Variants in OXCT1 observed in about 807,000 individuals in gnomAD.
The protein encoded by OXCT1 is 3-oxoacid CoA-transferase 1.
Under a neutral mutation model 69.6 loss-of-function variants are expected in OXCT1, and 27 were observed. The ratio of observed to expected loss-of-function variants is 0.39; its 90% CI spans 0.29 to 0.54. The LOEUF (loss-of-function observed/expected upper bound fraction) is 0.54, where lower values mean the gene tolerates loss of function less well. OXCT1 is among the 20% of genes least tolerant of loss of function. The pLI, the probability that OXCT1 is intolerant of heterozygous loss-of-function variation, is 0.72. For missense variants in OXCT1, 437 were observed against 650.2 expected (o/e 0.67, Z 3.57); for synonymous variants, 202 against 217.8 (o/e 0.93, Z 0.64).
chr5:41,858,221 TGA>T (rs756846969), intron 3 of OXCT1, among the ~76,000 whole-genome samples: 4 of 152,196 alleles, frequency 2.6e-5, no homozygotes, highest in Non-Finnish European at 5.9e-5. Context: ...CAGCTTACAA[TGA>T]GAGTGTTTCT....
rs115612833 is a variant in OXCT1 at position 41,771,963 on chromosome 5, C to A, written c.1249-9763G>T. On this transcript the variant is annotated intron_variant, in intron 13 of 16. Transcript: ENST00000196371. ...TCTAATGGTGAGGTTTAAATGGTCA[C>A]AATTACTATCACATAATTTTTTAAA... Among the ~76,000 whole-genome samples the A allele has an allele frequency of 8.4e-3, 1,273 of 152,216 alleles. 21 individuals are homozygous for A. Among genetic ancestry groups the A allele is most frequent in the African/African-American group, 0.029 (1,220 of 41,516 alleles).
In OXCT1 at chr5:41,870,131, G is replaced by T; in HGVS notation, c.78+150C>A. 1 of 724,550 alleles carries T rather than the reference G, an allele frequency of 1.4e-6. No homozygotes were observed. The highest frequency in any genetic ancestry group is 2.0e-5 in the Admixed American group (1 of 49,300). 44.9% of individuals were successfully genotyped at this position (724,550 alleles called of 1,614,324 possible). On this transcript the variant is annotated intron_variant, in intron 1 of 16. Coordinates refer to ENST00000196371, the MANE Select transcript of OXCT1 (RefSeq NM_000436.4). This position sits in a 1 kb window ranked among gnomAD's most constrained non-coding sequence, Gnocchi z 4.2. ...GGGCCGGCGAGGCCAGGAACGCGTC[G>T]CCGCGTGTCCGTGACCAGGGCACCG...
intron 3 of OXCT1, among the ~76,000 whole-genome samples, chr5:41,859,949 T>C (rs1306093680): frequency 1.4e-5 from 2 of 147,776 alleles, no homozygotes; most frequent in African/African-American, 2.5e-5. Context: ...TAGGTACATA[T>C]GTATAATCAG....
At chr5:41,823,062 T>C (rs1747638291) in intron 7 of OXCT1, among the ~76,000 whole-genome samples, 1 of 152,198 alleles carries the variant, frequency 6.6e-6, no homozygotes, top group South Asian at 2.1e-4. Flanking sequence ...CAATTCTTTT[T>C]CTGCTTTTTT....
intron 7 of OXCT1, among the ~76,000 whole-genome samples, chr5:41,812,068 T>C (rs760858886): frequency 7.9e-5 from 12 of 152,078 alleles, no homozygotes; most frequent in Admixed American, 1.3e-4. Context: ...AACTCTGTAT[T>C]GCCTTCTGGT....
At chr5:41,843,636 C>T (rs1304937174) in intron 5 of OXCT1, 1 of 455,766 alleles carries the variant, frequency 2.2e-6, no homozygotes, top group Non-Finnish European at 4.4e-6. Flanking sequence ...TCCATTGCCA[C>T]ACTCCATCAC....
chr5:41,863,829 A>G (rs1290203133), intron 1 of OXCT1, among the ~76,000 whole-genome samples: 2 of 152,234 alleles, frequency 1.3e-5, no homozygotes, highest in Non-Finnish European at 2.9e-5. Flanking sequence ...TTAAGTATTA[A>G]GACATGAGCA....
At chr5:41,852,412 C>G (rs1749220545) in intron 4 of OXCT1, among the ~76,000 whole-genome samples, 1 of 152,140 alleles carries the variant, frequency 6.6e-6, no homozygotes, top group African/African-American at 2.4e-5. Context: ...TTATTACCAA[C>G]TTGGCAAAGT....
At chr5:41,835,263 G>T (rs893707679) in intron 7 of OXCT1, among the ~76,000 whole-genome samples, 7 of 152,236 alleles carry the variant, frequency 4.6e-5, no homozygotes, top group Admixed American at 1.3e-4. Context: ...AACCTATCAA[G>T]ATTGAACCAG....
At chr5:41,815,020 C>T (rs533055453) in intron 7 of OXCT1, among the ~76,000 whole-genome samples, 11 of 152,060 alleles carry the variant, frequency 7.2e-5, no homozygotes, top group South Asian at 2.1e-4. Context: ...CATTGTAAAA[C>T]GCAGGATGTG....
intron 15 of OXCT1, among the ~76,000 whole-genome samples, chr5:41,744,183 G>C (rs11738517): frequency 0.21 from 32,578 of 151,628 alleles, 3,633 homozygotes; most frequent in Middle Eastern, 0.28. Context: ...AGGTCCTTCA[G>C]GTCCCTTGTA....
At chr5:41,817,187 T>C (rs1042669746) in intron 7 of OXCT1, among the ~76,000 whole-genome samples, 1 of 152,096 alleles carries the variant, frequency 6.6e-6, no homozygotes, top group Non-Finnish European at 1.5e-5. Flanking sequence ...GACATTTTAG[T>C]CCATATGATT....
chr5:41,838,771 A>G (rs549062099), intron 7 of OXCT1, among the ~76,000 whole-genome samples: 43 of 152,224 alleles, frequency 2.8e-4, no homozygotes, highest in Non-Finnish European at 5.1e-4. Flanking sequence ...ACTTAGGCAC[A>G]TGCCACCACG....
rs185165533 is a variant in OXCT1 at position 41,731,817 on chromosome 5, A to G, written c.1522-47T>C. On this transcript the variant is annotated intron_variant, in intron 16 of 16. Coordinates refer to ENST00000196371, the MANE Select transcript of OXCT1 (RefSeq NM_000436.4). ...ATCAAATTATGAAAAACTGCATGAT[A>G]TAAATCTCTCTCCTTTTAATTTCCA... 7 of 1,575,136 alleles carry G rather than the reference A, an allele frequency of 4.4e-6. No homozygotes were observed. In the East Asian group the frequency reaches 1.1e-4, roughly 26 times the overall value.
chr5:41,830,229 C>A (rs993267975), intron 7 of OXCT1, among the ~76,000 whole-genome samples: 1 of 152,146 alleles, frequency 6.6e-6, no homozygotes, highest in Non-Finnish European at 1.5e-5. Context: ...CTACATCCAT[C>A]CCAAAAGTTA....
Position 41,739,502 on chromosome 5 carries a change from G to T in OXCT1, c.1420-11C>A, listed in dbSNP as rs749497075. ...CACATCAAACACAGCCTGTCAGAGT[G>T]GGAAGAAAAAGGACAATGACAATTT... On this transcript the variant is annotated splice_polypyrimidine_tract_variant and intron_variant, in intron 15 of 16. Transcript: ENST00000196371. 62 of 1,574,884 alleles carry T rather than the reference G, an allele frequency of 3.9e-5. No homozygotes were observed. The Middle Eastern group carries it at 1.3e-3, about 34-fold the overall frequency.
chr5:41,758,398 T>A (rs1744186700), intron 14 of OXCT1, among the ~76,000 whole-genome samples: 1 of 152,092 alleles, frequency 6.6e-6, no homozygotes, highest in Non-Finnish European at 1.5e-5. Context: ...GAAAAATGAT[T>A]AAGGAGCCAC....
At chr5:41,793,177 AAC>A (rs1746007679) in intron 13 of OXCT1, among the ~76,000 whole-genome samples, 3 of 152,234 alleles carry the variant, frequency 2.0e-5, no homozygotes, top group Non-Finnish European at 4.4e-5. Context: ...ATTTCAAGAA[AAC>A]TGTCCTATCA....
chr5:41,775,112 T>A (rs1265238758), intron 13 of OXCT1, among the ~76,000 whole-genome samples: 1 of 151,508 alleles, frequency 6.6e-6, no homozygotes, highest in African/African-American at 2.4e-5. Context: ...ATATGTGGGG[T>A]TTTTCCTTAC....
Sources: gnomAD v4.1 joint callset for allele counts (sites outside exome capture counted in the v4.1 genomes callset) on GRCh38, gnomAD v4.1.1 for gene constraint, Gnocchi (gnomAD v3.1) non-coding constraint, MANE v1.5 for transcripts, NCBI Gene and HGNC (gene_info 2026-07-23, HGNC 2026-07-21) for gene names.